EHMT1: variants seen among roughly 807,000 people sequenced by gnomAD.
The protein encoded by EHMT1 is euchromatic histone lysine methyltransferase 1.
Under a neutral mutation model 147.2 loss-of-function variants are expected in EHMT1, and 15 were observed. That is an observed-to-expected ratio of 0.10 (90% CI 0.07 to 0.16). EHMT1 has a LOEUF of 0.16. Ranked by LOEUF, EHMT1 falls within the 10% of genes least tolerant of loss-of-function variation. The probability of loss-of-function intolerance (pLI) is 1.00; values close to 1 mark genes in which losing one functional copy is unlikely to be tolerated. For synonymous variants in EHMT1, 795 were observed against 709.6 expected, an observed-to-expected ratio of 1.12 and a Z score of -1.91; for missense variants, 1,587 against 1,772.4, an observed-to-expected ratio of 0.90 and a Z score of 1.88.
At chr9:137,683,146 T>C (rs948092386) in intron 1 of EHMT1, among the ~76,000 whole-genome samples, 3 of 152,256 alleles carry the variant, frequency 2.0e-5, no homozygotes, top group Non-Finnish European at 4.4e-5. Context: ...CATTCTCATT[T>C]AATAGACTTT....
rs370034419 is a variant in EHMT1 at position 137,672,266 on chromosome 9, G to A, written c.22-38701G>A. Among the ~76,000 whole-genome samples, 11 of 152,244 alleles carry A rather than the reference G, an allele frequency of 7.2e-5. 1 individual carries two copies. Among genetic ancestry groups the A allele is most frequent in the East Asian group, 1.9e-4 (1 of 5,192 alleles). ...TTCATAAAGTGTTTTATGTTAACGC[G>A]TAGTAGGTTTATTGTTATTTGTACA... On this transcript the variant is annotated intron_variant, in intron 1 of 26. Coordinates refer to ENST00000460843, the MANE Select transcript of EHMT1 (RefSeq NM_024757.5).
At position 137,648,207 on chromosome 9, in the gene EHMT1, A is replaced by G. The variant is rs989350541; in HGVS notation, c.21+29158A>G. The stretch of plus-strand genomic sequence containing the variant: ...CTTCAAGCAATATTCTGTTTGGGAC[A>G]GCAAAATCGTAAGAGACCATATTGT... On this transcript the variant is annotated intron_variant, in intron 1 of 26. Transcript: ENST00000460843. Among the ~76,000 whole-genome samples, 7 of 152,334 alleles carry G rather than the reference A, an allele frequency of 4.6e-5. No homozygotes were observed. In the East Asian group the frequency reaches 1.4e-3, roughly 29 times the overall value.
chr9:137,653,772 C>T (rs1256267771), intron 1 of EHMT1, among the ~76,000 whole-genome samples: 2 of 152,204 alleles, frequency 1.3e-5, no homozygotes, highest in African/African-American at 4.8e-5. Flanking sequence ...GATCCGCCTG[C>T]CTCGGCCTCC....
In EHMT1 at chr9:137,811,505, G is replaced by A; in HGVS notation, c.2757G>A (p.Val919=). The A allele has an allele frequency of 6.2e-7, 1 of 1,612,074 alleles. No individual in the cohort carries two copies. Among genetic ancestry groups the A allele is most frequent in the Non-Finnish European group, 8.5e-7 (1 of 1,180,016 alleles). Residue 919 remains valine (V), a synonymous_variant, in exon 19 of 27, where the codon GTG becomes GTA. Transcript: ENST00000460843. ...ACTGGGCGGCGTTCTCCGGCTGCGT[G>A]GACATAGCCGAGATCCTGCTGGCTG... is the stretch of plus-strand genomic sequence containing the variant. ...CLHWAAFSGC[V]DIAEILLAAK... is the part of the protein sequence containing the mutation.
intron 3 of EHMT1, among the ~76,000 whole-genome samples, chr9:137,721,836 CTCT>C (rs1946089057): frequency 6.6e-6 from 1 of 152,174 alleles, no homozygotes; most frequent in African/African-American, 2.4e-5. Context: ...TCTGAAGCTT[CTCT>C]TCTTTCTCTC....
At chr9:137,684,622 G>T (rs1942264396) in intron 1 of EHMT1, among the ~76,000 whole-genome samples, 2 of 152,042 alleles carry the variant, frequency 1.3e-5, no homozygotes, top group Non-Finnish European at 2.9e-5. Context: ...CTCCCAAGTA[G>T]CTGGGACCAC....
At chr9:137,747,681 G>A (rs1948658758) in intron 6 of EHMT1, 1 of 152,158 alleles carries the variant, frequency 6.6e-6, no homozygotes, top group Non-Finnish European at 1.5e-5. Flanking sequence ...CTGAATTTGG[G>A]GGGATTACAT....
intron 1 of EHMT1, chr9:137,665,867 G>A (rs550962240): frequency 2.0e-5 from 3 of 152,346 alleles, no homozygotes; most frequent in Non-Finnish European, 4.4e-5. Context: ...GTGCAGCTCT[G>A]GAATCCTGCC....
chr9:137,712,064 T>C (rs9410118), intron 2 of EHMT1, among the ~76,000 whole-genome samples: 5,735 of 152,254 alleles, frequency 0.038, 351 homozygotes, highest in African/African-American at 0.13. Context: ...CCCTCCAGGG[T>C]TGCCCCCACC....
chr9:137,740,983 TTTTG>T (rs1564670031), intron 4 of EHMT1, among the ~76,000 whole-genome samples: 3 of 150,034 alleles, frequency 2.0e-5, no homozygotes, highest in South Asian at 4.2e-4. Flanking sequence ...ATGATTTTTT[TTTTG>T]TTTGTTTGAG....
intron 10 of EHMT1, among the ~76,000 whole-genome samples, chr9:137,767,177 C>T (rs866221254): frequency 2.2e-4 from 33 of 152,236 alleles, no homozygotes; most frequent in Admixed American, 1.5e-3. Context: ...TGGAGTGCAG[C>T]GGTGCAGGCA....
chr9:137,678,071 A>AAATAAT (rs71387855), intron 1 of EHMT1, among the ~76,000 whole-genome samples: 4 of 151,848 alleles, frequency 2.6e-5, no homozygotes, highest in Non-Finnish European at 5.9e-5. Flanking sequence ...TCCGTCTCAA[A>AAATAAT]AATAATAATA....
intron 9 of EHMT1, among the ~76,000 whole-genome samples, chr9:137,761,700 G>A (rs983606733): frequency 6.6e-6 from 1 of 151,982 alleles, no homozygotes; most frequent in Non-Finnish European, 1.5e-5. Context: ...CTCGTGATCT[G>A]CCCGCCTTGG....
intron 25 of EHMT1, chr9:137,834,043 G>A (rs1956417867): frequency 4.2e-6 from 2 of 480,032 alleles, no homozygotes; most frequent in Non-Finnish European, 7.7e-6. Flanking sequence ...GGATGGCGCT[G>A]TCCACATTCC....
chr9:137,651,027 C>G (rs1429601668), intron 1 of EHMT1: 2 of 152,230 alleles, frequency 1.3e-5, no homozygotes, highest in Non-Finnish European at 2.9e-5. Flanking sequence ...CACCACTGCA[C>G]TCCAGCCTGG....
intron 25 of EHMT1, among the ~76,000 whole-genome samples, 175 bp downstream of exon 25, chr9:137,818,313 T>C (rs1322319394): frequency 6.6e-6 from 1 of 152,144 alleles, no homozygotes; most frequent in Non-Finnish European, 1.5e-5. Context: ...GTGCCCTGCA[T>C]GGATGGAGGG....
intron 3 of EHMT1, among the ~76,000 whole-genome samples, chr9:137,718,106 C>T (rs999847366): frequency 2.1e-5 from 3 of 143,126 alleles, no homozygotes; most frequent in Admixed American, 1.4e-4. Flanking sequence ...CCGCCCCTCA[C>T]GCACCGTGAT....
At chr9:137,785,742 G>A (rs1274763208) in intron 15 of EHMT1, 1 of 152,182 alleles carries the variant, frequency 6.6e-6, no homozygotes, top group Non-Finnish European at 1.5e-5. Flanking sequence ...TAAACATCTG[G>A]TTAACAAATC....
Position 137,776,414 on chromosome 9 carries a change from C to T in EHMT1, c.1792-204C>T, listed in dbSNP as rs1310656201. On this transcript the variant is annotated intron_variant, in intron 11 of 26. Coordinates refer to ENST00000460843, the MANE Select transcript of EHMT1 (RefSeq NM_024757.5). This position sits in a 1 kb window ranked among gnomAD's most constrained non-coding sequence, Gnocchi z 4.4. ...AGTGACCTCTGTCTGGCTTCAGCTT[C>T]TTCTCTGTGGGGCGAGAGCACCACG... 1.1e-5 allele frequency: 6 copies of T among 540,772 alleles called. No homozygotes were observed. The highest frequency in any genetic ancestry group is 2.0e-5 in the Non-Finnish European group (6 of 301,054). 33.5% of individuals were successfully genotyped at this position (540,772 alleles called of 1,614,324 possible).
Sources: gnomAD v4.1 joint callset for allele counts (sites outside exome capture counted in the v4.1 genomes callset) on GRCh38, gnomAD v4.1.1 for gene constraint, Gnocchi (gnomAD v3.1) non-coding constraint, MANE v1.5 for transcripts, NCBI Gene and HGNC (gene_info 2026-07-23, HGNC 2026-07-21) for gene names.